SUPT3H: variants seen among roughly 807,000 people sequenced by gnomAD.
SUPT3H encodes the protein SPT3 homolog, SAGA and STAGA complex component.
A neutral mutation model predicts 44.3 loss-of-function variants in SUPT3H; 44 were observed. The ratio of observed to expected loss-of-function variants is 0.99; its 90% CI spans 0.78 to 1.28. The LOEUF (loss-of-function observed/expected upper bound fraction) is 1.28, where lower values mean the gene tolerates loss of function less well. SUPT3H is among the 50% of genes most tolerant of loss of function. The pLI, the probability that SUPT3H is intolerant of heterozygous loss-of-function variation, is 0.00. For synonymous variants in SUPT3H, 124 were observed against 125.6 expected, an observed-to-expected ratio of 0.99 and a Z score of 0.09; for missense variants, 380 against 387.1, an observed-to-expected ratio of 0.98 and a Z score of 0.15.
intron 10 of SUPT3H, among the ~76,000 whole-genome samples, chr6:44,847,633 A>T (rs1201194557): frequency 6.6e-6 from 1 of 151,806 alleles, no homozygotes; most frequent in Non-Finnish European, 1.5e-5. Flanking sequence ...GACTACAGGC[A>T]TGTGCCACCA....
intron 3 of SUPT3H, among the ~76,000 whole-genome samples, chr6:45,041,582 A>G (rs1225263584): frequency 6.6e-6 from 1 of 152,200 alleles, no homozygotes; most frequent in Non-Finnish European, 1.5e-5. Flanking sequence ...AAATTAATGA[A>G]TAATAAATGC....
intron 2 of SUPT3H, among the ~76,000 whole-genome samples, chr6:45,296,599 C>T (rs1403956516): frequency 2.0e-5 from 3 of 151,346 alleles, no homozygotes; most frequent in African/African-American, 4.9e-5. Context: ...ATTAGCGAGG[C>T]GTGGTGGCAC....
At chr6:44,989,197 C>T (rs1456832794) in intron 6 of SUPT3H, among the ~76,000 whole-genome samples, 4 of 152,080 alleles carry the variant, frequency 2.6e-5, no homozygotes, top group Non-Finnish European at 5.9e-5. Context: ...ACCCATCACC[C>T]TTTGGTTACA....
intron 2 of SUPT3H, among the ~76,000 whole-genome samples, chr6:45,178,015 C>G (rs977138576): frequency 6.6e-6 from 1 of 152,058 alleles, no homozygotes; most frequent in African/African-American, 2.4e-5. Context: ...CATCAACTAA[C>G]GAGCAAAATA....
At chr6:45,327,364 A>G (rs1786531846) in intron 2 of SUPT3H, among the ~76,000 whole-genome samples, 2 of 152,176 alleles carry the variant, frequency 1.3e-5, no homozygotes, top group South Asian at 2.1e-4. Context: ...TAAGCATTTT[A>G]CTTTATAGAA....
intron 3 of SUPT3H, among the ~76,000 whole-genome samples, chr6:45,102,276 T>C (rs1013714234): frequency 2.0e-5 from 3 of 151,972 alleles, no homozygotes; most frequent in Non-Finnish European, 4.4e-5. Flanking sequence ...CATTCAAACA[T>C]ACAAGTTTAA....
chr6:45,329,528 T>A (rs946488841), intron 2 of SUPT3H, among the ~76,000 whole-genome samples: 17 of 151,926 alleles, frequency 1.1e-4, no homozygotes, highest in African/African-American at 4.1e-4. Context: ...ATCTACACAC[T>A]GTTATCCATA....
intron 2 of SUPT3H, among the ~76,000 whole-genome samples, chr6:45,356,339 CAT>C (rs973806047): frequency 6.6e-5 from 10 of 152,134 alleles, no homozygotes; most frequent in African/African-American, 2.2e-4. Flanking sequence ...CATATACACA[CAT>C]ATATGTTAAT....
chr6:45,032,362 G>A (rs1787075138), intron 3 of SUPT3H, among the ~76,000 whole-genome samples: 1 of 152,126 alleles, frequency 6.6e-6, no homozygotes. Flanking sequence ...TACACTTACA[G>A]ATCATTGTAA....
chr6:44,890,266 C>T (rs1763060052), intron 10 of SUPT3H, among the ~76,000 whole-genome samples: 1 of 149,856 alleles, frequency 6.7e-6, no homozygotes, highest in African/African-American at 2.5e-5. Flanking sequence ...TGGGTATATA[C>T]CCAAAGGACT....
intron 2 of SUPT3H, among the ~76,000 whole-genome samples, chr6:45,192,686 T>C (rs544077731): frequency 6.6e-6 from 1 of 152,228 alleles, no homozygotes; most frequent in South Asian, 2.1e-4. Context: ...CCTTACTTAA[T>C]ATTTCGAATC....
intron 10 of SUPT3H, among the ~76,000 whole-genome samples, chr6:44,876,301 C>T (rs1376970669): frequency 1.6e-5 from 1 of 61,390 alleles, no homozygotes; most frequent in African/African-American, 6.2e-5. Context: ...GGCACATATA[C>T]ACCATGGAAT....
intron 2 of SUPT3H, among the ~76,000 whole-genome samples, chr6:45,241,157 T>C (rs1364301744): frequency 6.6e-6 from 1 of 152,190 alleles, no homozygotes; most frequent in African/African-American, 2.4e-5. Context: ...AAAGCTGCCT[T>C]TGTTTTTATC....
intron 11 of SUPT3H, among the ~76,000 whole-genome samples, chr6:44,814,040 T>A (rs1429425223): frequency 6.6e-6 from 1 of 152,078 alleles, no homozygotes; most frequent in Non-Finnish European, 1.5e-5. Context: ...CATGTCATAC[T>A]ACAACTGTTA....
chr6:44,810,609 A>AC (rs1436048479), intron 11 of SUPT3H, among the ~76,000 whole-genome samples: 1 of 151,556 alleles, frequency 6.6e-6, no homozygotes, highest in Non-Finnish European at 1.5e-5. Context: ...ACTAAAAAAA[A>AC]AAAAAAATGC....
intron 6 of SUPT3H, among the ~76,000 whole-genome samples, chr6:44,965,491 T>C (rs1161471798): frequency 6.6e-6 from 1 of 152,086 alleles, no homozygotes. Flanking sequence ...AGAGATTCTT[T>C]GAGCTATATA....
At chr6:45,135,354 C>T (rs1346728696) in intron 2 of SUPT3H, among the ~76,000 whole-genome samples, 1 of 152,074 alleles carries the variant, frequency 6.6e-6, no homozygotes, top group Non-Finnish European at 1.5e-5. Context: ...CCTAAAGATG[C>T]CTTTTTCACT....
intron 10 of SUPT3H, among the ~76,000 whole-genome samples, chr6:44,928,882 C>CAAAATAAAT (rs1491206167): frequency 1.5e-4 from 3 of 20,646 alleles, no homozygotes; most frequent in African/African-American, 9.4e-4. Flanking sequence ...GACTCCGTCT[C>CAAAATAAAT]AAAAAAAAAA....
rs146755524 is a variant in SUPT3H at position 44,852,201 on chromosome 6, G to T, written c.913-22344C>A. On this transcript the variant is annotated intron_variant, in intron 10 of 10. Transcript: ENST00000371459. Reference sequence around the variant, plus strand: ...TATTTAAGCCAGAATTAGGCAAATGGGCACCTGAGGAAAAGTAATTATAGG... The same window carrying T: ...TATTTAAGCCAGAATTAGGCAAATGTGCACCTGAGGAAAAGTAATTATAGG... 2.2e-3 allele frequency among the ~76,000 whole-genome samples: 329 copies of T among 152,218 alleles called. 1 individual carries two copies. Among genetic ancestry groups the T allele is most frequent in the African/African-American group, 7.6e-3 (315 of 41,526 alleles).
Sources: gnomAD v4.1 joint callset for allele counts (sites outside exome capture counted in the v4.1 genomes callset) on GRCh38, gnomAD v4.1.1 for gene constraint, MANE v1.5 for transcripts, NCBI Gene and HGNC (gene_info 2026-07-23, HGNC 2026-07-21) for gene names.